SLIT2: variants seen among roughly 807,000 people sequenced by gnomAD.
SLIT2 encodes slit guidance ligand 2, also known as slit homolog 2 protein.
A neutral mutation model predicts 185.7 loss-of-function variants in SLIT2; 41 were observed. The observed-to-expected ratio is 0.22, with a 90% CI of 0.17 to 0.29. The LOEUF (loss-of-function observed/expected upper bound fraction) is 0.29. SLIT2 is among the 10% of genes least tolerant of loss of function. SLIT2 has a pLI of 1.00. For synonymous variants in SLIT2, 693 were observed against 680.2 expected, an observed-to-expected ratio of 1.02 and a Z score of -0.29; for missense variants, 1,571 against 1,909.0, an observed-to-expected ratio of 0.82 and a Z score of 3.30.
At chr4:20,301,514 A>T (rs997995777) in intron 4 of SLIT2, among the ~76,000 whole-genome samples, 2 of 152,172 alleles carry the variant, frequency 1.3e-5, no homozygotes, top group Admixed American at 6.5e-5. Context: ...TGTACCTGCC[A>T]CTTATGCAGT....
intron 6 of SLIT2, 45 bp from the exon 7 acceptor site, chr4:20,486,155 C>A (rs1401769565): frequency 8.6e-7 from 1 of 1,163,072 alleles, no homozygotes; most frequent in South Asian, 1.2e-5. Flanking sequence ...AATGATCAAT[C>A]AATTTTGTAT....
At position 20,528,775 on chromosome 4, in the gene SLIT2, C is replaced by A. The variant is rs1034595304; in HGVS notation, c.1463-174C>A. Among the ~76,000 whole-genome samples, 1 of 152,076 alleles carries A rather than the reference C, an allele frequency of 6.6e-6. No individual in the cohort carries two copies. Among genetic ancestry groups the A allele is most frequent in the Non-Finnish European group, 1.5e-5 (1 of 68,008 alleles). Reference sequence around the variant, plus strand: ...ATGTGAATCTGGTCACTCTTTTTTCCAGAAAATTCCAAGCCTTTCTTTTAA... The same window carrying A: ...ATGTGAATCTGGTCACTCTTTTTTCAAGAAAATTCCAAGCCTTTCTTTTAA... On this transcript the variant is annotated intron_variant, in intron 15 of 36. Coordinates refer to ENST00000504154, the MANE Select transcript of SLIT2 (RefSeq NM_004787.4). This position sits in a 1 kb window ranked among gnomAD's most constrained non-coding sequence, Gnocchi z 4.2.
intron 33 of SLIT2, among the ~76,000 whole-genome samples, chr4:20,605,839 C>T (rs1004837087): frequency 4.0e-5 from 6 of 151,638 alleles, no homozygotes; most frequent in East Asian, 1.9e-4. Context: ...CTCTGCCTCC[C>T]GGGTTCAAGC....
At chr4:20,457,930 G>C (rs964927178) in intron 4 of SLIT2, among the ~76,000 whole-genome samples, 1 of 152,058 alleles carries the variant, frequency 6.6e-6, no homozygotes, top group Non-Finnish European at 1.5e-5. Context: ...ACAGTGCTTG[G>C]TATTATTTTT....
At chr4:20,256,997 G>A (rs1711918317) in intron 2 of SLIT2, among the ~76,000 whole-genome samples, 1 of 151,934 alleles carries the variant, frequency 6.6e-6, no homozygotes, top group African/African-American at 2.4e-5. Flanking sequence ...CATACCCTAA[G>A]CGCTTTATGC....
At chr4:20,479,182 G>C (rs1374213648) in intron 5 of SLIT2, among the ~76,000 whole-genome samples, 1 of 152,112 alleles carries the variant, frequency 6.6e-6, no homozygotes, top group Non-Finnish European at 1.5e-5. Context: ...CCTTGTGTAT[G>C]ATTGTGTCCC....
chr4:20,473,008 A>T (rs1021126792), intron 5 of SLIT2, among the ~76,000 whole-genome samples: 4 of 151,792 alleles, frequency 2.6e-5, no homozygotes, highest in African/African-American at 7.2e-5. Flanking sequence ...ACAAAATCTA[A>T]TTTACTTTAC....
chr4:20,600,745 G>A (rs891795397), intron 33 of SLIT2, among the ~76,000 whole-genome samples: 20 of 152,084 alleles, frequency 1.3e-4, no homozygotes, highest in African/African-American at 4.8e-4. Context: ...CAAAATGTGA[G>A]GCCTAGAGCA....
At chr4:20,516,454 T>C (rs1720228433) in intron 11 of SLIT2, among the ~76,000 whole-genome samples, 1 of 152,226 alleles carries the variant, frequency 6.6e-6, no homozygotes, top group South Asian at 2.1e-4. Context: ...TGGATGATAT[T>C]ATCCACATCC....
At position 20,590,339 on chromosome 4, in the gene SLIT2, C is replaced by G. The variant is rs116059274; in HGVS notation, c.3182+602C>G. Reference sequence around the variant, plus strand: ...ACTTAAATTTATTTGAAGGCCCAACCGGTGACATTTGTAATGTCTTCTATG... The same window carrying G: ...ACTTAAATTTATTTGAAGGCCCAACGGGTGACATTTGTAATGTCTTCTATG... On this transcript the variant is annotated intron_variant, in intron 30 of 36. Coordinates refer to ENST00000504154, the MANE Select transcript of SLIT2 (RefSeq NM_004787.4). 5.5e-3 allele frequency among the ~76,000 whole-genome samples: 843 copies of G among 152,240 alleles called. 12 individuals are homozygous for G. The highest frequency in any genetic ancestry group is 0.019 in the African/African-American group (805 of 41,532).
intron 4 of SLIT2, among the ~76,000 whole-genome samples, chr4:20,380,326 T>G (rs920734496): frequency 1.3e-5 from 2 of 152,118 alleles, no homozygotes; most frequent in Non-Finnish European, 2.9e-5. Flanking sequence ...CCTATAATAT[T>G]TAAAAGGATA....
intron 4 of SLIT2, among the ~76,000 whole-genome samples, chr4:20,325,575 C>T (rs1236760231): frequency 1.3e-5 from 2 of 152,188 alleles, no homozygotes; most frequent in East Asian, 3.9e-4. Context: ...ATTTTTACAT[C>T]AGATTACCAA....
At chr4:20,413,845 T>C (rs1356027328) in intron 4 of SLIT2, among the ~76,000 whole-genome samples, 1 of 152,016 alleles carries the variant, frequency 6.6e-6, no homozygotes, top group African/African-American at 2.4e-5. Context: ...GTATATCATG[T>C]TTTTGTTTTG....
intron 9 of SLIT2, among the ~76,000 whole-genome samples, chr4:20,501,371 C>T (rs1461743250): frequency 2.0e-5 from 3 of 152,020 alleles, no homozygotes; most frequent in African/African-American, 2.4e-5. Context: ...CTGCAACCTC[C>T]GCCTCCAGGG....
At chr4:20,298,825 A>T (rs1454560628) in intron 4 of SLIT2, among the ~76,000 whole-genome samples, 1 of 152,136 alleles carries the variant, frequency 6.6e-6, no homozygotes, top group African/African-American at 2.4e-5. Context: ...TTCAATAAAA[A>T]CTTTATAGTT....
At chr4:20,431,050 G>A (rs1044931550) in intron 4 of SLIT2, among the ~76,000 whole-genome samples, 2 of 152,180 alleles carry the variant, frequency 1.3e-5, no homozygotes, top group African/African-American at 2.4e-5. Context: ...ACCGTGTTAC[G>A]TTGGCAGCCT....
At chr4:20,563,823 C>T (rs796738612) in intron 26 of SLIT2, among the ~76,000 whole-genome samples, 10 of 151,724 alleles carry the variant, frequency 6.6e-5, no homozygotes, top group African/African-American at 1.7e-4. Context: ...CAGTACTTGC[C>T]GTAATTTTGT....
At chr4:20,467,022 A>T (rs1384205018) in intron 4 of SLIT2, among the ~76,000 whole-genome samples, 1 of 152,128 alleles carries the variant, frequency 6.6e-6, no homozygotes, top group African/African-American at 2.4e-5. Context: ...AAAAATAATG[A>T]TCCATTTCAT....
Position 20,523,788 on chromosome 4 carries a change from C to T in SLIT2, c.1159C>T (p.Leu387Phe). Residue 387 changes from leucine (L) to phenylalanine (F), a missense_variant, in exon 13 of 37, where the codon CTT (leucine) becomes TTT (phenylalanine). Leu to Phe is a conservative substitution (Grantham distance 22). This residue lies in a region of SLIT2 where 1,202 missense variants were observed against 1,416.4 expected (regional missense o/e 0.85). Transcript: ENST00000504154. ...LLLNANKINCLRVDAFQDLHN... is the reference protein window; with the variant it reads ...LLLNANKINCFRVDAFQDLHN... ...ATTGAATGCCAACAAGATAAACTGC[C>T]TTCGGGTAGATGCTTTTCAGGATCT... The T allele has an allele frequency of 6.2e-7, 1 of 1,613,940 alleles. No homozygotes were observed.
Sources: gnomAD v4.1 joint callset for allele counts (sites outside exome capture counted in the v4.1 genomes callset) on GRCh38, gnomAD v4.1.1 for gene constraint, gnomAD v4.1.1 regional missense constraint, Gnocchi (gnomAD v3.1) non-coding constraint, MANE v1.5 for transcripts, NCBI Gene and HGNC (gene_info 2026-07-23, HGNC 2026-07-21) for gene names.